The following RBFOX1 variants were observed in gnomAD, a reference collection of about 807,000 sequenced individuals.
RBFOX1 encodes the protein RNA binding fox-1 homolog 1.
Under a neutral mutation model 57.7 loss-of-function variants are expected in RBFOX1, and 8 were observed. That is an observed-to-expected ratio of 0.14 (90% CI 0.08 to 0.25). The LOEUF (loss-of-function observed/expected upper bound fraction) is 0.25. RBFOX1 is among the 10% of genes least tolerant of loss of function. The pLI, the probability that RBFOX1 is intolerant of heterozygous loss-of-function variation, is 1.00. For synonymous variants in RBFOX1, 326 were observed against 222.4 expected (o/e 1.47, Z -4.15); for missense variants, 611 against 548.5 (o/e 1.11, Z -1.14).
At chr16:7,467,895 C>G (rs1168000909) in intron 4 of RBFOX1, among the ~76,000 whole-genome samples, 4 of 152,220 alleles carry the variant, frequency 2.6e-5, no homozygotes, top group Non-Finnish European at 1.5e-5. Flanking sequence ...CCCAAGAACT[C>G]TGGTCATTGA....
chr16:6,768,452 T>C (rs986943689), intron 3 of RBFOX1, among the ~76,000 whole-genome samples: 4 of 151,348 alleles, frequency 2.6e-5, no homozygotes, highest in African/African-American at 4.9e-5. Context: ...GAGGGAAAAT[T>C]CCCCCCCAGC....
At chr16:6,109,039 G>A (rs982316997) in intron 1 of RBFOX1, among the ~76,000 whole-genome samples, 1 of 152,176 alleles carries the variant, frequency 6.6e-6, no homozygotes, top group Admixed American at 6.5e-5. Context: ...CGATTATTCA[G>A]CTTAATACAG....
intron 4 of RBFOX1, among the ~76,000 whole-genome samples, chr16:5,985,374 A>G (rs551133566): frequency 3.3e-5 from 5 of 152,154 alleles, no homozygotes; most frequent in Non-Finnish European, 7.4e-5. Context: ...TCAGGACTGT[A>G]TTAATTCAGT....
chr16:6,293,695 C>T (rs931088317), intron 1 of RBFOX1, among the ~76,000 whole-genome samples: 2 of 152,092 alleles, frequency 1.3e-5, no homozygotes, highest in Non-Finnish European at 2.9e-5. Context: ...CAGCCCTCGT[C>T]GCCTGGTATG....
intron 3 of RBFOX1, among the ~76,000 whole-genome samples, chr16:5,726,280 A>G (rs980370535): frequency 2.0e-5 from 3 of 151,396 alleles, no homozygotes; most frequent in African/African-American, 7.3e-5. Context: ...CTTTCTGGGG[A>G]TGTATTCAGA....
At chr16:5,896,887 T>G (rs970046035) in intron 4 of RBFOX1, among the ~76,000 whole-genome samples, 8 of 152,138 alleles carry the variant, frequency 5.3e-5, no homozygotes, top group Non-Finnish European at 7.3e-5. Context: ...CCCATTTTCT[T>G]CTGCTTTTGA....
At chr16:6,271,721 T>G (rs369373903) in intron 1 of RBFOX1, among the ~76,000 whole-genome samples, 4 of 152,188 alleles carry the variant, frequency 2.6e-5, no homozygotes. Context: ...CACTTCCTTG[T>G]AAAATACAAA....
At chr16:7,537,019 C>A (rs1224357809) in intron 5 of RBFOX1, among the ~76,000 whole-genome samples, 2 of 152,152 alleles carry the variant, frequency 1.3e-5, no homozygotes, top group East Asian at 1.9e-4. Flanking sequence ...TCATACAGAG[C>A]CCTGCTGGCC....
chr16:5,663,046 T>C (rs1215285865), intron 3 of RBFOX1, among the ~76,000 whole-genome samples: 1 of 152,122 alleles, frequency 6.6e-6, no homozygotes, highest in Non-Finnish European at 1.5e-5. Flanking sequence ...GAGAAATTTT[T>C]GATTGTCACA....
At chr16:5,326,118 A>G (rs1376891331) in intron 1 of RBFOX1, among the ~76,000 whole-genome samples, 1 of 152,186 alleles carries the variant, frequency 6.6e-6, no homozygotes, top group African/African-American at 2.4e-5. Flanking sequence ...CCTTGTCAGC[A>G]CTTGGTATCG....
At chr16:6,717,624 T>G (rs939361104) in intron 3 of RBFOX1, among the ~76,000 whole-genome samples, 8 of 151,854 alleles carry the variant, frequency 5.3e-5, no homozygotes, top group African/African-American at 1.7e-4. Context: ...ATTTTTTACA[T>G]GTCACATCCT....
intron 3 of RBFOX1, among the ~76,000 whole-genome samples, chr16:6,931,339 C>CACA (rs1567942171): frequency 2.0e-5 from 2 of 101,246 alleles, no homozygotes; most frequent in African/African-American, 7.9e-5. Flanking sequence ...CTATCTATCT[C>CACA]TACACACACA....
At chr16:6,879,142 C>G (rs542268999) in intron 3 of RBFOX1, among the ~76,000 whole-genome samples, 2 of 152,254 alleles carry the variant, frequency 1.3e-5, no homozygotes, top group Admixed American at 1.3e-4. Context: ...GCAGGACAGA[C>G]AAATCATTGA....
At chr16:6,446,007 C>T (rs1341515326) in intron 2 of RBFOX1, among the ~76,000 whole-genome samples, 2 of 151,684 alleles carry the variant, frequency 1.3e-5, no homozygotes, top group African/African-American at 4.8e-5. Flanking sequence ...GTTTGTCATT[C>T]AGACTGGAGC....
chr16:5,259,211 A>G (rs2062666895), intron 1 of RBFOX1, among the ~76,000 whole-genome samples: 1 of 151,430 alleles, frequency 6.6e-6, no homozygotes, highest in Non-Finnish European at 1.5e-5. Context: ...AGTGTTTTCC[A>G]TAGTTCCATG....
At chr16:6,693,171 TCATCAC>T (rs2060480792) in intron 3 of RBFOX1, among the ~76,000 whole-genome samples, 1 of 151,294 alleles carries the variant, frequency 6.6e-6, no homozygotes. Context: ...ACCACCATCA[TCATCAC>T]CATCATCCGC....
At chr16:6,718,954 C>T (rs549482438) in intron 3 of RBFOX1, among the ~76,000 whole-genome samples, 19 of 152,126 alleles carry the variant, frequency 1.2e-4, no homozygotes, top group East Asian at 5.8e-4. Context: ...CTTCAACCTC[C>T]GGGGCTCAAA....
rs534232931 is a variant in RBFOX1, at chr16:5,713,754, T to A, written c.318+114793T>A. ...GCATCACAGAGAGACTCATGCAAAC[T>A]GCCCCCCTCCCTGGAACATTGGCTT... On this transcript the variant is annotated intron_variant, in intron 3 of 19. Transcript: ENST00000641259. Among the ~76,000 whole-genome samples the A allele has an allele frequency of 4.6e-5, 7 of 152,314 alleles. No homozygotes were observed. In the South Asian group the frequency reaches 1.5e-3, roughly 32 times the overall value.
rs1204676750 is a variant in RBFOX1 at position 6,783,098 on chromosome 16, T to C, written c.-16+128448T>C. On this transcript the variant is annotated intron_variant, in intron 3 of 15. Transcript: ENST00000550418. ...ATTTGCATGGCATATCTTTTTCTGT[T>C]CTTTCATTTTCAGTCTGTGTGTTTT... Among the ~76,000 whole-genome samples, 3 of 152,094 alleles carry C rather than the reference T, an allele frequency of 2.0e-5. No homozygotes were observed. In the East Asian group the frequency reaches 5.8e-4, roughly 29 times the overall value.
Sources: allele counts gnomAD v4.1 joint callset (sites outside exome capture counted in the v4.1 genomes callset), GRCh38; gene constraint gnomAD v4.1.1; transcripts MANE v1.5; gene names NCBI Gene and HGNC (gene_info 2026-07-23, HGNC 2026-07-21).